CCDC7: variants seen among roughly 807,000 people sequenced by gnomAD.
CCDC7 encodes the protein coiled-coil domain containing 7.
CCDC7 carries 183 observed loss-of-function variants against 196.9 expected under a neutral mutation model. The observed-to-expected ratio is 0.93, with a 90% CI of 0.82 to 1.05. The LOEUF (loss-of-function observed/expected upper bound fraction) is 1.05, where lower values mean the gene tolerates loss of function less well. CCDC7 is among the 50% of genes least tolerant of loss of function. The pLI is 0.00. For missense variants in CCDC7, 1,540 were observed against 1,482.2 expected, an observed-to-expected ratio of 1.04 and a Z score of -0.64; for synonymous variants, 525 against 484.6, an observed-to-expected ratio of 1.08 and a Z score of -1.10.
chr10:32,500,341 G>A (rs1033604850), intron 9 of CCDC7, among the ~76,000 whole-genome samples: 24 of 150,178 alleles, frequency 1.6e-4, no homozygotes, highest in African/African-American at 5.9e-4. Context: ...GGGGCGGCCG[G>A]TCAGAGACGC....
At chr10:32,705,640 G>C (rs1372588223) in intron 24 of CCDC7, among the ~76,000 whole-genome samples, 2 of 151,702 alleles carry the variant, frequency 1.3e-5, no homozygotes, top group Admixed American at 6.6e-5. Context: ...CAAGAAAATG[G>C]AAAACAAAAA....
chr10:32,806,295 G>A (rs145200505), intron 30 of CCDC7, among the ~76,000 whole-genome samples: 1 of 152,292 alleles, frequency 6.6e-6, no homozygotes, highest in African/African-American at 2.4e-5. Flanking sequence ...TACATTATAT[G>A]TCTAAAATGT....
rs770285914 is a variant in CCDC7, at chr10:32,453,324, CTTTTA to C, written c.280-15_280-11del. ...TTAAACTATTAAAGTATCTAATTGG[CTTTTA>C]TTTTTTTTTTACAGGTTGTTTCCAC... is the stretch of plus-strand genomic sequence containing the variant. On this transcript the variant is annotated splice_polypyrimidine_tract_variant and intron_variant, in intron 1 of 41. Transcript: ENST00000639629. The C allele has an allele frequency of 1.4e-6, 2 of 1,455,498 alleles. No individual in the cohort carries two copies. Among genetic ancestry groups the C allele is most frequent in the Admixed American group, 2.4e-5 (1 of 41,832 alleles). 90.2% of individuals were successfully genotyped at this position (1,455,498 alleles called of 1,614,324 possible). A position where few individuals can be genotyped will look rare whatever the true frequency, so the allele number is the denominator to read the frequency against.
chr10:32,492,085 A>G, intron 9 of CCDC7, 88 bp downstream of exon 10: 1 of 1,316,670 alleles, frequency 7.6e-7, no homozygotes, highest in Non-Finnish European at 9.9e-7. Flanking sequence ...TAATATGTTC[A>G]TTGAAAAAAG....
At chr10:32,467,187 T>TG (rs1336144619) in intron 5 of CCDC7, among the ~76,000 whole-genome samples, 1 of 151,910 alleles carries the variant, frequency 6.6e-6, no homozygotes, top group African/African-American at 2.4e-5. Context: ...CTGCAACCTC[T>TG]GCCTCCTGGG....
At chr10:32,601,869 C>G (rs1228018929) in intron 18 of CCDC7, among the ~76,000 whole-genome samples, 1 of 152,084 alleles carries the variant, frequency 6.6e-6, no homozygotes, top group Non-Finnish European at 1.5e-5. Flanking sequence ...AGTCAGCACT[C>G]TGTAAAATGG....
intron 13 of CCDC7, among the ~76,000 whole-genome samples, chr10:32,561,608 C>T (rs1198811674): frequency 1.3e-5 from 2 of 152,114 alleles, no homozygotes; most frequent in African/African-American, 4.8e-5. Context: ...CCAATGAGAA[C>T]AAAGACACAA....
At chr10:32,691,500 C>G (rs1332055632) in intron 23 of CCDC7, among the ~76,000 whole-genome samples, 1 of 151,956 alleles carries the variant, frequency 6.6e-6, no homozygotes, top group Non-Finnish European at 1.5e-5. Context: ...TTTTCTATGC[C>G]CAGAAATTTG....
intron 18 of CCDC7, among the ~76,000 whole-genome samples, chr10:32,611,574 A>G (rs909157664): frequency 2.6e-5 from 4 of 152,158 alleles, no homozygotes; most frequent in Non-Finnish European, 5.9e-5. Flanking sequence ...TAAGTCTTTA[A>G]TCCATCTTGA....
At chr10:32,743,921 A>G (rs1450629892) in intron 28 of CCDC7, among the ~76,000 whole-genome samples, 1 of 142,604 alleles carries the variant, frequency 7.0e-6, no homozygotes, top group Non-Finnish European at 1.5e-5. Context: ...TCTCACTCAT[A>G]GCTGGGAATT....
intron 20 of CCDC7, among the ~76,000 whole-genome samples, chr10:32,657,518 A>G (rs2070220821): frequency 6.6e-6 from 1 of 152,240 alleles, no homozygotes; most frequent in Non-Finnish European, 1.5e-5. Flanking sequence ...TCTGAGCTGT[A>G]CATTGGTCTA....
intron 20 of CCDC7, among the ~76,000 whole-genome samples, chr10:32,639,790 G>A (rs9417072): frequency 0.34 from 52,122 of 151,868 alleles, 11,396 homozygotes; most frequent in Non-Finnish European, 0.5. Flanking sequence ...CAGCACTGCC[G>A]GCTAATTTTT....
intron 2 of CCDC7, among the ~76,000 whole-genome samples, chr10:32,454,520 C>T (rs1403595773): frequency 6.6e-6 from 1 of 151,610 alleles, no homozygotes; most frequent in Non-Finnish European, 1.5e-5. Flanking sequence ...CTCAGCATCA[C>T]GCAGTATATC....
intron 5 of CCDC7, among the ~76,000 whole-genome samples, chr10:32,467,916 G>T (rs2037172495): frequency 6.6e-6 from 1 of 152,044 alleles, no homozygotes; most frequent in Admixed American, 6.6e-5. Context: ...CTTATTTCTG[G>T]CTTCTCTATT....
chr10:32,665,450 T>G (rs1441579300), intron 21 of CCDC7, among the ~76,000 whole-genome samples: 1 of 152,104 alleles, frequency 6.6e-6, no homozygotes, highest in African/African-American at 2.4e-5. Flanking sequence ...ATCCTAAATT[T>G]ATGTGTCCTT....
intron 25 of CCDC7, among the ~76,000 whole-genome samples, chr10:32,714,435 A>T (rs528424214): frequency 2.6e-5 from 4 of 152,208 alleles, no homozygotes; most frequent in Admixed American, 1.3e-4. Context: ...GGGTGCCTAC[A>T]CCACCAGGGC....
upstream of CCDC7, among the ~76,000 whole-genome samples, chr10:32,448,855 C>T (rs1375590905): frequency 2.0e-5 from 3 of 151,882 alleles, no homozygotes; most frequent in Non-Finnish European, 4.4e-5. Context: ...GCTTTTAATA[C>T]TTATCACTAT....
At chr10:32,680,396 G>A (rs2075687762) in intron 21 of CCDC7, among the ~76,000 whole-genome samples, 2 of 151,624 alleles carry the variant, frequency 1.3e-5, no homozygotes, top group African/African-American at 2.4e-5. Flanking sequence ...GAGAGTTTAT[G>A]TTGGCCCATA....
intron 8 of CCDC7, among the ~76,000 whole-genome samples, chr10:32,483,544 G>C (rs1451433668): frequency 3.3e-5 from 5 of 152,112 alleles, no homozygotes; most frequent in Admixed American, 3.3e-4. Flanking sequence ...CATTGCTTTT[G>C]GTGTTTTAGA....
Sources: allele counts gnomAD v4.1 joint callset (sites outside exome capture counted in the v4.1 genomes callset), GRCh38; gene constraint gnomAD v4.1.1; transcripts MANE v1.5; gene names NCBI Gene and HGNC (gene_info 2026-07-23, HGNC 2026-07-21).